Variants in TTN observed in about 807,000 individuals in gnomAD.
TTN encodes titin.
TTN carries 1,525 observed loss-of-function variants against 3,223.0 expected under a neutral mutation model. That is an observed-to-expected ratio of 0.47 (90% CI 0.45 to 0.49). TTN has a LOEUF of 0.49. TTN is among the 20% of genes least tolerant of loss of function. The pLI is 0.00. For missense variants in TTN, 40,786 were observed against 43,424.0 expected (o/e 0.94, Z 5.40); for synonymous variants, 14,094 against 15,161.0 (o/e 0.93, Z 5.17).
chr2:178,751,511 C>T (rs749678955), intron 47 of TTN: 2 of 1,613,340 alleles, frequency 1.2e-6, no homozygotes, highest in South Asian at 1.1e-5. Flanking sequence ...AACCTTTATC[C>T]TATCTTCTCC....
At position 178,587,955 on chromosome 2, in the gene TTN, ACTTGGTTTTGGGCACACAC is replaced by A; in HGVS notation, c.63433_63451del (p.Val21145LeufsTer9). On this transcript the variant is annotated frameshift_variant, in exon 305 of 363. Transcript: ENST00000589042. LOFTEE classifies it high-confidence loss of function. ...TAGCTCTGCAGGGCGCCCAATACCA[ACTTGGTTTTGGGCACACAC>A]CCTGAACTCATATTCCTGGTTTTCA... 1 of 1,610,688 alleles carries A rather than the reference ACTTGGTTTTGGGCACACAC, an allele frequency of 6.2e-7. No individual in the cohort carries two copies. The highest frequency in any genetic ancestry group is 8.5e-7 in the Non-Finnish European group (1 of 1,178,356).
In TTN at chr2:178,609,348, C is replaced by T. The variant is rs530304166; in HGVS notation, c.51962G>A (p.Arg17321His). 2.1e-5 allele frequency: 34 copies of T among 1,611,960 alleles called. No individual in the cohort carries two copies. Among genetic ancestry groups the T allele is most frequent in the Non-Finnish European group, 2.7e-5 (32 of 1,178,860 alleles). Residue 17321 changes from arginine to histidine, a missense_variant, in exon 273 of 363, where the codon CGT (arginine) becomes CAT (histidine). Physicochemically the swap from Arg to His is conservative, Grantham distance 29. Transcript: ENST00000589042. ...EEPFVLPLTQ[R>H]LSIDNSKKGE... ...CTTTTTGCTGTTGTCAATACTCAAACGCTGTGTCAGAGGCAGGACAAATGG... is the reference window on the plus strand; with the variant it reads ...CTTTTTGCTGTTGTCAATACTCAAATGCTGTGTCAGAGGCAGGACAAATGG...
intron 24 of TTN, 176 bp downstream of exon 24, chr2:178,778,698 C>T (rs1241045438): frequency 3.6e-6 from 3 of 828,856 alleles, no homozygotes; most frequent in African/African-American, 3.4e-5. Flanking sequence ...AAATTCTTTG[C>T]TCATCTTACA....
At chr2:178,652,001 T>C in intron 204 of TTN, 34 bp from the exon 205 acceptor site, 1 of 1,611,260 alleles carries the variant, frequency 6.2e-7, no homozygotes, top group Non-Finnish European at 8.5e-7. Flanking sequence ...AATGCCAGAA[T>C]TGACTAAAAC....
chr2:178,715,139 G>A lies in TTN; in HGVS notation c.26047C>T (p.Leu8683Phe), dbSNP rs932810095. Residue 8683 changes from leucine (L) to phenylalanine (F), a missense_variant, in exon 90 of 363, where the codon CTT becomes TTT. Transcript: ENST00000589042. The stretch of plus-strand genomic sequence containing the variant: ...ATCTTGTACTTCTTGCCGCTCCTAA[G>A]TTCTCTCTTGTCTTTATACCAAGAA... ...HVSWYKDKRE[L>F]RSGKKYKIMS... The A allele has an allele frequency of 4.3e-6, 7 of 1,613,602 alleles. No individual in the cohort carries two copies. The African/African-American group carries it at 8.0e-5, about 18-fold the overall frequency.
chr2:178,571,019 A>C lies in TTN; in HGVS notation c.75113T>G (p.Ile25038Ser). 6.2e-7 allele frequency: 1 copy of C among 1,612,772 alleles called. No homozygotes were observed. Among genetic ancestry groups the C allele is most frequent in the South Asian group, 1.1e-5 (1 of 91,048 alleles). The change falls in exon 326 of 363, where the codon ATC becomes AGC. Residue 25038 changes from isoleucine (I) to serine (S), a missense_variant. Coordinates refer to ENST00000589042, the MANE Select transcript of TTN (RefSeq NM_001267550.2). The part of the protein sequence containing the change: ...KKPTYDGGSK[I>S]TGYIVEKKEL... ...TTTCTTCTCAACAATATAACCAGTG[A>C]TCTTGCTTCCACCGTCATAGGTGGG...
chr2:178,674,552 A>C (rs575721491), intron 150 of TTN, 143 bp from the exon 151 acceptor site: 1 of 434,370 alleles, frequency 2.3e-6, no homozygotes, highest in South Asian at 6.6e-5. Context: ...TGGGTCTTCA[A>C]AATATGTTAG....
Position 178,727,078 on chromosome 2 carries a change from C to T in TTN, c.20275+12G>A, listed in dbSNP as rs779850649. 7 of 1,463,804 alleles carry T rather than the reference C, an allele frequency of 4.8e-6. No homozygotes were observed. Among genetic ancestry groups the T allele is most frequent in the Non-Finnish European group, 6.4e-6 (7 of 1,102,228 alleles). The allele number at this position is 1,463,804 out of a possible 1,614,324, so 90.7% of individuals were successfully genotyped here. The stretch of plus-strand genomic sequence containing the variant: ...TTTCATTTAATGAGAAACACAAGAA[C>T]AAGATGTCTACCTTTTACTATAACC... On this transcript the variant is annotated intron_variant, in intron 69 of 362. Transcript: ENST00000589042.
intron 159 of TTN, among the ~76,000 whole-genome samples, chr2:178,668,454 G>A (rs542555898): frequency 6.6e-6 from 1 of 152,260 alleles, no homozygotes; most frequent in Admixed American, 6.5e-5. Flanking sequence ...AAGCGGGTCT[G>A]GTGTAGTGGC....
rs2078208221 is a variant in TTN at position 178,720,652 on chromosome 2, A to G, written c.23110T>C (p.Phe7704Leu). 6.3e-7 allele frequency: 1 copy of G among 1,587,638 alleles called. No individual in the cohort carries two copies. The highest frequency in any genetic ancestry group is 1.2e-5 in the South Asian group (1 of 85,672). ...CCTACTGGAGAAGGCTTCTGGGTGA[A>G]AACAGGAGGTGCTACCAGAAAAAAG... ...TALTVKAPPV[F>L]TQKPSPVGAL... Residue 7704 changes from phenylalanine (F) to leucine (L), a missense_variant, in exon 80 of 363, where the codon TTC becomes CTC. Coordinates refer to ENST00000589042, the MANE Select transcript of TTN (RefSeq NM_001267550.2).
rs1297520971 is a variant in TTN at position 178,739,311 on chromosome 2, T to A, written c.13922A>T (p.Asn4641Ile). 1 of 1,613,500 alleles carries A rather than the reference T, an allele frequency of 6.2e-7. No individual in the cohort carries two copies. Among genetic ancestry groups the A allele is most frequent in the African/African-American group, 1.3e-5 (1 of 74,926 alleles). ...CTTTTCATCTGAAGGCACCAGTTTATTCTCAAAATACCAATTCACCTCTTT... is the reference window on the plus strand; with the variant it reads ...CTTTTCATCTGAAGGCACCAGTTTAATCTCAAAATACCAATTCACCTCTTT... ...NAKEVNWYFE[N>I]KLVPSDEKFK... The change falls in exon 48 of 363, where the codon AAT becomes ATT. Residue 4641 changes from asparagine to isoleucine, a missense_variant. Asn to Ile is a moderately radical substitution (Grantham distance 149). Coordinates refer to ENST00000589042, the MANE Select transcript of TTN (RefSeq NM_001267550.2).
intron 316 of TTN, 169 bp from the exon 317 acceptor site, chr2:178,580,778 G>A (rs1013170222): frequency 2.8e-6 from 2 of 704,296 alleles, no homozygotes; most frequent in Non-Finnish European, 4.5e-6. Context: ...TGTACTAATT[G>A]TTGATCTTTC....
Position 178,653,122 on chromosome 2 carries a change from G to A in TTN, c.38794C>T (p.Pro12932Ser). The A allele has an allele frequency of 6.2e-7, 1 of 1,612,578 alleles. No homozygotes were observed. Among genetic ancestry groups the A allele is most frequent in the Non-Finnish European group, 8.5e-7 (1 of 1,179,360 alleles). ...KKPEVPPVKV[P>S]EAPKEVVPEK... ...GGAACAACTTCTTTGGGAGCCTCTGGCACTTAAAAGATATTAGGTAAAATT... is the reference window on the plus strand; with the variant it reads ...GGAACAACTTCTTTGGGAGCCTCTGACACTTAAAAGATATTAGGTAAAATT... Residue 12932 changes from proline (P) to serine (S), a missense_variant and splice_region_variant, in exon 199 of 363, where the codon CCA becomes TCA. Pro to Ser is a moderately conservative substitution (Grantham distance 74, BLOSUM62 -1). Coordinates refer to ENST00000589042, the MANE Select transcript of TTN (RefSeq NM_001267550.2).
Position 178,635,426 on chromosome 2 carries a change from G to A in TTN, c.41884+14C>T. 1 of 1,603,178 alleles carries A rather than the reference G, an allele frequency of 6.2e-7. No homozygotes were observed. The highest frequency in any genetic ancestry group is 8.5e-7 in the Non-Finnish European group (1 of 1,176,174). On this transcript the variant is annotated intron_variant, in intron 227 of 362. Transcript: ENST00000589042. ...GCAAAACTTATAATTTGAATAAAAG[G>A]TAAGATTTTATACCTCCAAGTGTCA... is the stretch of plus-strand genomic sequence containing the variant.
chr2:178,556,283 T>C (rs1329301022), intron 330 of TTN: 1 of 154,388 alleles, frequency 6.5e-6, no homozygotes, highest in African/African-American at 2.4e-5. Flanking sequence ...TACAAAAAAT[T>C]AGCTGGGTGT....
chr2:178,582,282 G>C lies in TTN; in HGVS notation c.66160+14C>G. On this transcript the variant is annotated intron_variant, in intron 314 of 362. Coordinates refer to ENST00000589042, the MANE Select transcript of TTN (RefSeq NM_001267550.2). The stretch of plus-strand genomic sequence containing the variant: ...TAAAAAATAAAATGAAAAACCACCG[G>C]GAAATGTTCCTACCATATGGGTTTT... 2 of 1,576,156 alleles carry C rather than the reference G, an allele frequency of 1.3e-6. No individual in the cohort carries two copies. The highest frequency in any genetic ancestry group is 2.4e-5 in the South Asian group (2 of 84,452).
In TTN at chr2:178,684,028, G is replaced by A. The variant is rs759637413; in HGVS notation, c.32777C>T (p.Pro10926Leu). ...VPEEKVLKLK[P>L]KREEEPPAKV... ...AGCTGGTGGTTCCTCCTCTCTTTTA[G>A]GTTTGAGTTTCAGAACTTTTTCTTC... is the stretch of plus-strand genomic sequence containing the variant. Residue 10926 changes from proline (P) to leucine (L), a missense_variant, in exon 133 of 363, where the codon CCT (proline) becomes CTT (leucine). Pro to Leu is a moderately conservative substitution (Grantham distance 98). Coordinates refer to ENST00000589042, the MANE Select transcript of TTN (RefSeq NM_001267550.2). The A allele has an allele frequency of 1.2e-6, 2 of 1,603,820 alleles. No homozygotes were observed. The highest frequency in any genetic ancestry group is 4.5e-5 in the East Asian group (2 of 44,480).
In TTN at chr2:178,605,159, TAC is replaced by T; in HGVS notation, c.54016_54017del (p.Val18006AsnfsTer2). Reference sequence around the variant, plus strand: ...GAAGTGCATCAGTGGGTTTTTCAATTACAGTTTCATTTTTGGACCATTCAATC... The same window carrying T: ...GAAGTGCATCAGTGGGTTTTTCAATTAGTTTCATTTTTGGACCATTCAATC... ...PKIEWSKNETVIEKPTDALQI... is the reference protein window; with the variant it reads ...PKIEWSKNETXIEKPTDALQI... On this transcript the variant is annotated frameshift_variant, in exon 280 of 363. Coordinates refer to ENST00000589042, the MANE Select transcript of TTN (RefSeq NM_001267550.2). LOFTEE classifies it high-confidence loss of function. 1 of 1,612,542 alleles carries T rather than the reference TAC, an allele frequency of 6.2e-7. No individual in the cohort carries two copies. Among genetic ancestry groups the T allele is most frequent in the Non-Finnish European group, 8.5e-7 (1 of 1,179,166 alleles).
At chr2:178,585,481 A>G in intron 308 of TTN, 134 bp from the exon 309 acceptor site, 1 of 933,588 alleles carries the variant, frequency 1.1e-6, no homozygotes, top group Non-Finnish European at 1.6e-6. Context: ...TCTGGGATAC[A>G]TATGCAGAAT....
Sources: allele counts gnomAD v4.1 joint callset (sites outside exome capture counted in the v4.1 genomes callset), GRCh38; gene constraint gnomAD v4.1.1; transcripts MANE v1.5; gene names NCBI Gene and HGNC (gene_info 2026-07-23, HGNC 2026-07-21).